Variants in UNC80 observed in about 807,000 individuals in gnomAD.
UNC80 encodes protein unc-80 homolog.
A neutral mutation model predicts 384.6 loss-of-function variants in UNC80; 164 were observed. The ratio of observed to expected loss-of-function variants is 0.43; its 90% CI spans 0.38 to 0.49. The LOEUF (loss-of-function observed/expected upper bound fraction) is 0.49, where lower values mean the gene tolerates loss of function less well. Ranked by LOEUF, UNC80 falls within the 20% of genes least tolerant of loss-of-function variation. UNC80 has a pLI of 0.00. For synonymous variants in UNC80, 1,486 were observed against 1,527.8 expected, an observed-to-expected ratio of 0.97 and a Z score of 0.64; for missense variants, 3,330 against 4,143.0, an observed-to-expected ratio of 0.80 and a Z score of 5.39.
At chr2:209,780,470 T>A (rs2077094705) in intron 4 of UNC80, among the ~76,000 whole-genome samples, 1 of 152,174 alleles carries the variant, frequency 6.6e-6, no homozygotes, top group Non-Finnish European at 1.5e-5. Flanking sequence ...AGATGTCTGG[T>A]TTTTTCAAGT....
intron 47 of UNC80, among the ~76,000 whole-genome samples, chr2:209,950,221 T>TA (rs1325974968): frequency 6.6e-6 from 1 of 152,226 alleles, no homozygotes; most frequent in Non-Finnish European, 1.5e-5. Context: ...ATTTTAAAAT[T>TA]AAGATTCTTT....
At chr2:209,846,985 C>T (rs1424334995) in intron 21 of UNC80, among the ~76,000 whole-genome samples, 1 of 152,030 alleles carries the variant, frequency 6.6e-6, no homozygotes, top group Non-Finnish European at 1.5e-5. Context: ...TCACTACCTT[C>T]AGCAGAGTAT....
At chr2:209,847,644 A>G (rs910059833) in intron 21 of UNC80, among the ~76,000 whole-genome samples, 5 of 152,000 alleles carry the variant, frequency 3.3e-5, no homozygotes, top group African/African-American at 9.7e-5. Context: ...TGCAATTAAA[A>G]TGGCATTTCT....
rs60467878 is a variant in UNC80, at chr2:209,786,980, CATAT to C, written c.724+827_724+830del. Among the ~76,000 whole-genome samples, 884 of 135,746 alleles carry C rather than the reference CATAT, an allele frequency of 6.5e-3. 8 individuals are homozygous for C. Among genetic ancestry groups the C allele is most frequent in the African/African-American group, 0.018 (629 of 35,332 alleles). The allele number at this position is 135,746 out of a possible 152,430, so 89.1% of individuals were successfully genotyped here. A position where few individuals can be genotyped will look rare whatever the true frequency, so the allele number is the denominator to read the frequency against. On this transcript the variant is annotated intron_variant, in intron 5 of 64. Transcript: ENST00000673920. ...AAATTATGTGGAAAATCTACAGAAG[CATAT>C]ATATATATATATATATATATATATA... is the stretch of plus-strand genomic sequence containing the variant.
rs534381684 is a variant in UNC80 at position 209,900,224 on chromosome 2, C to T, written c.4581+3811C>T. Reference sequence around the variant, plus strand: ...TTACTCTACTGTGCTTTGGAGATATCGCATTTTTTACAGACTATAGGTTTG... The same window carrying T: ...TTACTCTACTGTGCTTTGGAGATATTGCATTTTTTACAGACTATAGGTTTG... On this transcript the variant is annotated intron_variant, in intron 28 of 64. Coordinates refer to ENST00000673920, the MANE Select transcript of UNC80 (RefSeq NM_001371986.1). 7.2e-5 allele frequency among the ~76,000 whole-genome samples: 11 copies of T among 152,204 alleles called. 1 individual carries two copies. Among genetic ancestry groups the T allele is most frequent in the Admixed American group, 1.3e-4 (2 of 15,280 alleles).
Position 209,967,575 on chromosome 2 carries a change from C to T in UNC80, c.7944C>T (p.Leu2648=). The T allele has an allele frequency of 6.4e-7, 1 of 1,551,604 alleles. No homozygotes were observed. The highest frequency in any genetic ancestry group is 8.7e-7 in the Non-Finnish European group (1 of 1,146,972). ...DWTAEAVRPA[L]ILILKRLDRM... is the part of the protein sequence containing the mutation. The stretch of plus-strand genomic sequence containing the variant: ...CAGCTGAGGCAGTGAGGCCGGCCCT[C>T]ATCCTCATTTTAAAAAGATTGGATA... Residue 2648 remains leucine, a synonymous_variant, in exon 52 of 65, where the codon CTC becomes CTT. Transcript: ENST00000673920.
intron 12 of UNC80, among the ~76,000 whole-genome samples, chr2:209,819,942 A>C (rs2080023188): frequency 6.6e-6 from 1 of 152,208 alleles, no homozygotes; most frequent in Non-Finnish European, 1.5e-5. Context: ...GAAAGACAGG[A>C]GATTAAAACA....
intron 4 of UNC80, among the ~76,000 whole-genome samples, chr2:209,779,382 T>G (rs1014414042): frequency 2.8e-4 from 42 of 152,196 alleles, no homozygotes; most frequent in Non-Finnish European, 5.9e-5. Context: ...GATTTTCACA[T>G]AGCCATGTAC....
intron 26 of UNC80, among the ~76,000 whole-genome samples, chr2:209,891,230 A>G (rs1469474345): frequency 2.0e-5 from 3 of 152,180 alleles, no homozygotes; most frequent in African/African-American, 7.2e-5. Context: ...TTTAAAATAC[A>G]GATAATCATA....
At chr2:209,922,174 T>A in intron 34 of UNC80, 78 bp from the exon 35 acceptor site, 1 of 1,488,476 alleles carries the variant, frequency 6.7e-7, no homozygotes, top group Non-Finnish European at 9.1e-7. Context: ...AGTATGCATT[T>A]GTGATACAAC....
At chr2:209,795,904 G>A (rs2078122767) in intron 7 of UNC80, 1 of 152,298 alleles carries the variant, frequency 6.6e-6, no homozygotes. Context: ...GAAGGGAAAT[G>A]TGGGGTTAGA....
At chr2:209,801,086 T>C (rs576140236) in intron 7 of UNC80, among the ~76,000 whole-genome samples, 1 of 152,262 alleles carries the variant, frequency 6.6e-6, no homozygotes, top group East Asian at 1.9e-4. Context: ...ATCTAGAGCT[T>C]AGTTCAAGCC....
chr2:209,903,879 G>A (rs907700295), intron 28 of UNC80, among the ~76,000 whole-genome samples: 2 of 151,492 alleles, frequency 1.3e-5, no homozygotes, highest in East Asian at 1.9e-4. Context: ...CTTGCTTTGT[G>A]CTCTCTTTGT....
At position 209,982,181 on chromosome 2, in the gene UNC80, G is replaced by A; in HGVS notation, c.9121G>A (p.Asp3041Asn). The A allele has an allele frequency of 6.4e-7, 1 of 1,550,542 alleles. No individual in the cohort carries two copies. The highest frequency in any genetic ancestry group is 8.7e-7 in the Non-Finnish European group (1 of 1,146,420). ...SRTDEEDEEN[D>N]SISMPSVVSE... ...CTCTATTCCTTTGCCCCTTTTAGAT[G>A]ACTCTATAAGCATGCCCAGCGTGGT... Residue 3041 changes from aspartate to asparagine, a missense_variant and splice_region_variant, in exon 60 of 65, where the codon GAC (aspartate) becomes AAC (asparagine). Coordinates refer to ENST00000673920, the MANE Select transcript of UNC80 (RefSeq NM_001371986.1).
At chr2:209,817,714 C>A (rs1354623183) in intron 10 of UNC80, 98 bp from the exon 11 acceptor site, 1 of 1,417,380 alleles carries the variant, frequency 7.1e-7, no homozygotes, top group East Asian at 2.5e-5. Flanking sequence ...TTCCTAACAG[C>A]CCCACACTCT....
intron 59 of UNC80, among the ~76,000 whole-genome samples, chr2:209,980,176 G>A (rs913171886): frequency 5.3e-5 from 8 of 152,266 alleles, no homozygotes; most frequent in African/African-American, 1.9e-4. Context: ...AAAAGGATCA[G>A]CAGTTTAAAT....
intron 41 of UNC80, among the ~76,000 whole-genome samples, 175 bp from the exon 42 acceptor site, chr2:209,937,354 T>A (rs1422330998): frequency 2.0e-5 from 3 of 152,234 alleles, no homozygotes; most frequent in African/African-American, 7.2e-5. Flanking sequence ...GGCCTCAGGA[T>A]GCTCGCTGAC....
chr2:209,773,025 A>G, intron 1 of UNC80, 69 bp from the exon 2 acceptor site: 2 of 1,268,980 alleles, frequency 1.6e-6, no homozygotes, highest in Non-Finnish European at 2.3e-6. Context: ...ATTGAAAAAT[A>G]CGTCACAAGG....
At chr2:209,883,795 C>A (rs1361788350) in intron 25 of UNC80, among the ~76,000 whole-genome samples, 1 of 152,154 alleles carries the variant, frequency 6.6e-6, no homozygotes, top group African/African-American at 2.4e-5. Context: ...TGGAATCATG[C>A]AGTATTTGTC....
Sources: gnomAD v4.1 joint callset for allele counts (sites outside exome capture counted in the v4.1 genomes callset) on GRCh38, gnomAD v4.1.1 for gene constraint, MANE v1.5 for transcripts, NCBI Gene and HGNC (gene_info 2026-07-23, HGNC 2026-07-21) for gene names.